Variants in HTR1F observed in about 807,000 individuals in gnomAD.
The protein encoded by HTR1F is 5-hydroxytryptamine (serotonin) receptor 1F, G protein-coupled.
A neutral mutation model predicts 24.0 loss-of-function variants in HTR1F; 17 were observed. The observed-to-expected ratio is 0.71, with a 90% CI of 0.48 to 1.06. The LOEUF is 1.06. Ranked by LOEUF, HTR1F falls within the 50% of genes least tolerant of loss-of-function variation. The pLI is 0.00. For synonymous variants in HTR1F, 186 were observed against 156.8 expected (o/e 1.19, Z -1.39); for missense variants, 391 against 427.8 (o/e 0.91, Z 0.76).
In HTR1F at chr3:87,981,040, G is replaced by T. The variant is rs1381752626; in HGVS notation, c.-42-9668G>T. On this transcript the variant is annotated intron_variant, in intron 2 of 2. Coordinates refer to ENST00000319595, the MANE Select transcript of HTR1F (RefSeq NM_001322209.2). ...CCCCACCAACTCAGAAGGGTGCAGG[G>T]TTCTCACCTGTTCCCAGCTCCCGCC... Among the ~76,000 whole-genome samples, 5 of 152,254 alleles carry T rather than the reference G, an allele frequency of 3.3e-5. No homozygotes were observed. The East Asian group carries it at 7.7e-4, about 24-fold the overall frequency.
chr3:87,990,727 A>G lies in HTR1F; in HGVS notation c.-23A>G, dbSNP rs777103698. ...TTACAGGTATCCATTTTTCAGCTAT[A>G]TTAATCTTTTAAAACAAAGAAAATG... is the stretch of plus-strand genomic sequence containing the variant. On this transcript the variant is annotated 5_prime_UTR_variant, in exon 3 of 3. It adds an upstream start codon to the 5' untranslated region. Transcript: ENST00000319595. 1 of 1,577,892 alleles carries G rather than the reference A, an allele frequency of 6.3e-7. No homozygotes were observed. The highest frequency in any genetic ancestry group is 8.7e-7 in the Non-Finnish European group (1 of 1,151,422).
chr3:87,951,480 G>T (rs1183328139), intron 2 of HTR1F, among the ~76,000 whole-genome samples: 1 of 151,964 alleles, frequency 6.6e-6, no homozygotes, highest in African/African-American at 2.4e-5. Flanking sequence ...CATTACCCCA[G>T]AATTGTTTTA....
At chr3:87,928,969 C>T (rs1704193918) in intron 2 of HTR1F, among the ~76,000 whole-genome samples, 1 of 152,076 alleles carries the variant, frequency 6.6e-6, no homozygotes, top group Admixed American at 6.6e-5. Flanking sequence ...AGGGCATATC[C>T]ATTTTTATTT....
chr3:87,880,219 T>G (rs1203153450), intron 2 of HTR1F, among the ~76,000 whole-genome samples: 1 of 151,982 alleles, frequency 6.6e-6, no homozygotes, highest in Admixed American at 6.6e-5. Context: ...CTTTGGGGAG[T>G]AATAGGAAAG....
chr3:87,974,227 TAAC>T (rs958579617), intron 2 of HTR1F, among the ~76,000 whole-genome samples: 3 of 152,238 alleles, frequency 2.0e-5, no homozygotes, highest in African/African-American at 7.2e-5. Flanking sequence ...GAAAATGTCT[TAAC>T]AACAACTATA....
intron 2 of HTR1F, among the ~76,000 whole-genome samples, chr3:87,904,529 C>G (rs1332191152): frequency 6.6e-6 from 1 of 151,962 alleles, no homozygotes; most frequent in Non-Finnish European, 1.5e-5. Flanking sequence ...TCATAGCATA[C>G]AATACTACAC....
chr3:87,912,455 T>C (rs1485996652), intron 2 of HTR1F, among the ~76,000 whole-genome samples: 2 of 151,888 alleles, frequency 1.3e-5, no homozygotes, highest in Admixed American at 6.6e-5. Context: ...TCCATGCTCA[T>C]GGATAGAAAG....
intron 2 of HTR1F, among the ~76,000 whole-genome samples, chr3:87,972,110 A>C (rs1246102042): frequency 6.6e-6 from 1 of 152,136 alleles, no homozygotes; most frequent in Non-Finnish European, 1.5e-5. Context: ...ACTAGCAGGA[A>C]CCAAATTTTG....
intron 2 of HTR1F, among the ~76,000 whole-genome samples, chr3:87,839,233 G>T (rs941174820): frequency 4.3e-4 from 65 of 151,818 alleles, no homozygotes; most frequent in African/African-American, 1.4e-3. Flanking sequence ...AATTCATTTT[G>T]AGTTGCTCAT....
At chr3:87,830,966 A>C (rs1313282277) in intron 2 of HTR1F, among the ~76,000 whole-genome samples, 1 of 152,208 alleles carries the variant, frequency 6.6e-6, no homozygotes, top group Non-Finnish European at 1.5e-5. Context: ...CTTATAAATA[A>C]TATTACGTGG....
intron 2 of HTR1F, among the ~76,000 whole-genome samples, chr3:87,964,685 T>C (rs1362513732): frequency 1.3e-5 from 2 of 152,204 alleles, no homozygotes; most frequent in African/African-American, 4.8e-5. Context: ...AAGAAAAATG[T>C]AGATGGGAGA....
At chr3:87,878,135 G>C (rs908286234) in intron 2 of HTR1F, among the ~76,000 whole-genome samples, 2 of 152,106 alleles carry the variant, frequency 1.3e-5, no homozygotes, top group Non-Finnish European at 2.9e-5. Flanking sequence ...GAAATAAGAG[G>C]ACTTTTGTAA....
At chr3:87,967,566 G>A (rs572027613) in intron 2 of HTR1F, among the ~76,000 whole-genome samples, 84 of 124,254 alleles carry the variant, frequency 6.8e-4, no homozygotes, top group Non-Finnish European at 1.1e-3. Context: ...AGAGAGATCC[G>A]GTGGGAGGTA....
intron 2 of HTR1F, among the ~76,000 whole-genome samples, chr3:87,969,337 G>T (rs551031738): frequency 1.3e-5 from 2 of 152,166 alleles, no homozygotes; most frequent in Admixed American, 6.5e-5. Context: ...GAAAGCAGCC[G>T]GGAGGGAGGC....
intron 2 of HTR1F, among the ~76,000 whole-genome samples, chr3:87,889,520 C>A (rs372366013): frequency 6.6e-6 from 1 of 151,856 alleles, no homozygotes. Flanking sequence ...TTTTTTCCTC[C>A]AAATTAGGAC....
chr3:87,945,404 C>T (rs776329198), intron 2 of HTR1F, among the ~76,000 whole-genome samples: 1 of 152,108 alleles, frequency 6.6e-6, no homozygotes, highest in Non-Finnish European at 1.5e-5. Flanking sequence ...GAAGTCGATT[C>T]AGAGGTAAGG....
intron 2 of HTR1F, among the ~76,000 whole-genome samples, chr3:87,987,030 T>G (rs1705676900): frequency 6.6e-6 from 1 of 151,974 alleles, no homozygotes; most frequent in Non-Finnish European, 1.5e-5. Flanking sequence ...TGCTTGAACC[T>G]GGGAGGCAGA....
chr3:87,879,051 T>C (rs1705729971), intron 2 of HTR1F, among the ~76,000 whole-genome samples: 1 of 152,190 alleles, frequency 6.6e-6, no homozygotes. Flanking sequence ...ATTTGCACAG[T>C]AATCATACAG....
chr3:87,882,204 G>A (rs1399690615), intron 2 of HTR1F, among the ~76,000 whole-genome samples: 1 of 152,128 alleles, frequency 6.6e-6, no homozygotes, highest in Non-Finnish European at 1.5e-5. Flanking sequence ...AAAAAGTCAG[G>A]AAACAACAGG....
Sources: gnomAD v4.1 joint callset for allele counts (sites outside exome capture counted in the v4.1 genomes callset) on GRCh38, gnomAD v4.1.1 for gene constraint, MANE v1.5 for transcripts, NCBI Gene and HGNC (gene_info 2026-07-23, HGNC 2026-07-21) for gene names.